Variants in GNAQ observed in about 807,000 individuals in gnomAD.
The protein encoded by GNAQ is G protein subunit alpha q, also known as guanine nucleotide-binding protein G(q) subunit alpha.
Under a neutral mutation model 43.9 loss-of-function variants are expected in GNAQ, and 8 were observed. The ratio of observed to expected loss-of-function variants is 0.18; its 90% CI spans 0.11 to 0.33. The LOEUF is 0.33. Among genes scored for constraint, GNAQ ranks in the 10% least tolerant of loss-of-function variants. The pLI, the probability that GNAQ is intolerant of heterozygous loss-of-function variation, is 1.00. For missense variants in GNAQ, 158 were observed against 450.8 expected, an observed-to-expected ratio of 0.35 and a Z score of 5.88; for synonymous variants, 155 against 170.7, an observed-to-expected ratio of 0.91 and a Z score of 0.71.
chr9:77,909,178 TATTG>T (rs1361072679), intron 2 of GNAQ, among the ~76,000 whole-genome samples: 44 of 152,134 alleles, frequency 2.9e-4, no homozygotes, highest in African/African-American at 9.4e-4. Context: ...AAGCATATGG[TATTG>T]ATTATTTTAT....
chr9:77,883,367 T>G (rs1033791344), intron 2 of GNAQ, among the ~76,000 whole-genome samples: 3 of 152,096 alleles, frequency 2.0e-5, no homozygotes, highest in African/African-American at 7.2e-5. Flanking sequence ...ATTGCCTGAT[T>G]TAGAGAAAAG....
chr9:77,963,521 C>T (rs928421482), intron 1 of GNAQ, among the ~76,000 whole-genome samples: 6 of 151,920 alleles, frequency 3.9e-5, no homozygotes, highest in Non-Finnish European at 7.4e-5. Flanking sequence ...TGAAACATGG[C>T]CTTACCAGTA....
chr9:77,828,123 G>A (rs1379144280), intron 2 of GNAQ, among the ~76,000 whole-genome samples: 1 of 143,512 alleles, frequency 7.0e-6, no homozygotes, highest in African/African-American at 2.6e-5. Context: ...AGCTGGTATG[G>A]TGGTATGAGG....
At chr9:77,960,673 CAGAAAATA>C (rs1367565973) in intron 1 of GNAQ, among the ~76,000 whole-genome samples, 1 of 151,998 alleles carries the variant, frequency 6.6e-6, no homozygotes, top group Non-Finnish European at 1.5e-5. Context: ...ATCAATAATA[CAGAAAATA>C]AGAAAATATA....
chr9:77,730,713 A>T (rs1181895922), intron 5 of GNAQ, among the ~76,000 whole-genome samples: 2 of 152,190 alleles, frequency 1.3e-5, no homozygotes, highest in Non-Finnish European at 2.9e-5. Flanking sequence ...TTTTATATAA[A>T]TGACAGCACA....
chr9:77,819,749 G>GA lies in GNAQ; in HGVS notation c.322-3980dup, dbSNP rs757281465. 2.5e-3 allele frequency among the ~76,000 whole-genome samples: 325 copies of GA among 129,902 alleles called. 1 individual carries two copies. The highest frequency in any genetic ancestry group is 3.9e-3 in the Non-Finnish European group (233 of 59,718). 85.2% of individuals were successfully genotyped at this position (129,902 alleles called of 152,430 possible). On this transcript the variant is annotated intron_variant, in intron 2 of 6. Coordinates refer to ENST00000286548, the MANE Select transcript of GNAQ (RefSeq NM_002072.5). The stretch of plus-strand genomic sequence containing the variant: ...TTTCCTTTTGGCACTTGACTCTAAA[G>GA]AAAAAAATCACCAACTCCTAAATGG...
At chr9:77,734,026 A>G (rs183484447) in intron 5 of GNAQ, among the ~76,000 whole-genome samples, 1 of 152,332 alleles carries the variant, frequency 6.6e-6, no homozygotes, top group African/African-American at 2.4e-5. Flanking sequence ...AAATCTCCGC[A>G]TAACAATTAC....
intron 3 of GNAQ, among the ~76,000 whole-genome samples, chr9:77,799,298 C>T (rs1826706249): frequency 6.6e-6 from 1 of 152,150 alleles, no homozygotes; most frequent in African/African-American, 2.4e-5. Context: ...ACTCTGTATA[C>T]CCACAAACAA....
rs189855043 is a variant in GNAQ at position 77,922,147 on chromosome 9, A to G, written c.321+14T>C. ...AACATTCAGCTGACTGCTCCAATGA[A>G]GAGTCGCACCTACCTTATTGTGCTC... On this transcript the variant is annotated intron_variant, in intron 2 of 6. Transcript: ENST00000286548. 2 of 1,582,136 alleles carry G rather than the reference A, an allele frequency of 1.3e-6. No homozygotes were observed. The highest frequency in any genetic ancestry group is 1.7e-5 in the Admixed American group (1 of 59,626).
chr9:77,761,999 G>A (rs71524035), intron 5 of GNAQ, among the ~76,000 whole-genome samples: 1 of 136,104 alleles, frequency 7.3e-6, no homozygotes, highest in Non-Finnish European at 1.6e-5. Context: ...GGTGAGGGGC[G>A]CCTCTGCCCG....
chr9:77,925,462 T>C (rs930374008), intron 1 of GNAQ, among the ~76,000 whole-genome samples: 3 of 152,154 alleles, frequency 2.0e-5, no homozygotes, highest in Non-Finnish European at 2.9e-5. Flanking sequence ...AATTTAAAAA[T>C]ATCTCATCTG....
At chr9:77,878,045 AG>A (rs1469724741) in intron 2 of GNAQ, among the ~76,000 whole-genome samples, 1 of 152,176 alleles carries the variant, frequency 6.6e-6, no homozygotes, top group African/African-American at 2.4e-5. Flanking sequence ...CCATGAAGAT[AG>A]AACAGGATAG....
At chr9:77,763,596 G>C (rs1029121720) in intron 5 of GNAQ, among the ~76,000 whole-genome samples, 2 of 152,190 alleles carry the variant, frequency 1.3e-5, no homozygotes, top group African/African-American at 4.8e-5. Context: ...CTATGAATTT[G>C]GTGAGGGATT....
Position 77,728,503 on chromosome 9 carries a change from T to G in GNAQ, c.889+11A>C. ...CACAGCTACTGAGCTGTGGTATGAG[T>G]GCTGACTTACCATCATATTCTGGGA... On this transcript the variant is annotated intron_variant, in intron 6 of 6. Coordinates refer to ENST00000286548, the MANE Select transcript of GNAQ (RefSeq NM_002072.5). The G allele has an allele frequency of 6.3e-7, 1 of 1,590,558 alleles. No homozygotes were observed.
chr9:77,820,867 G>A (rs1156570329), intron 2 of GNAQ, among the ~76,000 whole-genome samples: 9 of 152,142 alleles, frequency 5.9e-5, no homozygotes, highest in Admixed American at 5.2e-4. Flanking sequence ...GGAACAATTT[G>A]TTGTAGGGCT....
At chr9:77,951,616 T>C (rs1202255604) in intron 1 of GNAQ, among the ~76,000 whole-genome samples, 1 of 152,178 alleles carries the variant, frequency 6.6e-6, no homozygotes, top group Non-Finnish European at 1.5e-5. Context: ...TTGTAAAGTC[T>C]GATTTGTTCT....
intron 1 of GNAQ, among the ~76,000 whole-genome samples, chr9:77,937,458 TA>T (rs1829248003): frequency 6.7e-6 from 1 of 149,968 alleles, no homozygotes; most frequent in African/African-American, 2.5e-5. Flanking sequence ...AATAAATAAA[TA>T]AAATGTAGAG....
At chr9:77,880,555 G>GTTT (rs55926441) in intron 2 of GNAQ, among the ~76,000 whole-genome samples, 26 of 141,492 alleles carry the variant, frequency 1.8e-4, no homozygotes, top group Admixed American at 6.3e-4. Flanking sequence ...GATTTTTTCT[G>GTTT]TTTTTTTTTT....
At chr9:77,871,404 A>G (rs1828036545) in intron 2 of GNAQ, among the ~76,000 whole-genome samples, 1 of 152,172 alleles carries the variant, frequency 6.6e-6, no homozygotes, top group African/African-American at 2.4e-5. Flanking sequence ...CAGATTAAAT[A>G]CAGAGCTGAG....
Sources: allele counts gnomAD v4.1 joint callset (sites outside exome capture counted in the v4.1 genomes callset), GRCh38; gene constraint gnomAD v4.1.1; transcripts MANE v1.5; gene names NCBI Gene and HGNC (gene_info 2026-07-23, HGNC 2026-07-21).